The following SMCHD1 variants were observed in gnomAD, a reference collection of about 807,000 sequenced individuals.
The protein encoded by SMCHD1 is structural maintenance of chromosomes flexible hinge domain containing 1.
A neutral mutation model predicts 254.7 loss-of-function variants in SMCHD1; 78 were observed. The ratio of observed to expected loss-of-function variants is 0.31; its 90% CI spans 0.26 to 0.37. SMCHD1 has a LOEUF of 0.37. Ranked by LOEUF, SMCHD1 falls within the 10% of genes least tolerant of loss-of-function variation. The pLI, the probability that SMCHD1 is intolerant of heterozygous loss-of-function variation, is 1.00. For missense variants in SMCHD1, 1,840 were observed against 2,408.1 expected (o/e 0.76, Z 4.94); for synonymous variants, 766 against 794.9 (o/e 0.96, Z 0.61).
At position 2,678,253 on chromosome 18, in the gene SMCHD1, TTCTC is replaced by T. The variant is rs775833042; in HGVS notation, c.638+4125_638+4128del. 4.3e-3 allele frequency among the ~76,000 whole-genome samples: 487 copies of T among 114,204 alleles called. 1 individual carries two copies. The highest frequency in any genetic ancestry group is 0.015 in the African/African-American group (455 of 30,850). The allele number at this position is 114,204 out of a possible 152,430, so 74.9% of individuals were successfully genotyped here. On this transcript the variant is annotated intron_variant, in intron 5 of 47. Coordinates refer to ENST00000320876, the MANE Select transcript of SMCHD1 (RefSeq NM_015295.3). ...TTTCTTTCTTTCTTTCGTTCTTTCT[TTCTC>T]TCTCTCTCTCTCTCTCCCTCTCTCT... is the stretch of plus-strand genomic sequence containing the variant.
chr18:2,673,120 G>T, intron 3 of SMCHD1, 161 bp from the exon 4 acceptor site: 1 of 985,278 alleles, frequency 1.0e-6, no homozygotes, highest in Non-Finnish European at 1.2e-6. Context: ...GGTGGTGATT[G>T]GTGATGATGC....
chr18:2,685,245 G>A (rs564553572), intron 5 of SMCHD1, among the ~76,000 whole-genome samples: 109 of 151,550 alleles, frequency 7.2e-4, no homozygotes, highest in Non-Finnish European at 1.1e-3. Context: ...GACTACAGGC[G>A]CCCGCCACCA....
chr18:2,767,326 A>G (rs1272033985), intron 37 of SMCHD1, among the ~76,000 whole-genome samples: 1 of 152,084 alleles, frequency 6.6e-6, no homozygotes, highest in Admixed American at 6.5e-5. Flanking sequence ...AACAGTGACA[A>G]TGTGTTGATA....
chr18:2,784,800 T>C (rs1281970051), intron 45 of SMCHD1, 179 bp downstream of exon 45: 7 of 687,516 alleles, frequency 1.0e-5, no homozygotes, highest in African/African-American at 3.5e-5. Context: ...TTTAGAGTTA[T>C]GTAAATAGTA....
intron 42 of SMCHD1, among the ~76,000 whole-genome samples, chr18:2,777,215 A>G (rs1394105422): frequency 1.3e-5 from 2 of 152,208 alleles, no homozygotes; most frequent in Non-Finnish European, 2.9e-5. Flanking sequence ...TCTAGAAACG[A>G]GTTATCCTCT....
At position 2,656,149 on chromosome 18, in the gene SMCHD1, A is replaced by G; in HGVS notation, c.74A>G (p.His25Arg). ...GTEEDGGGVG[H>R]RTVYLFDRRE... ...GAGGAGGATGGCGGAGGCGTCGGCCACAGGACGGTGTACTTGTTTGATCGG... is the reference window on the plus strand; with the variant it reads ...GAGGAGGATGGCGGAGGCGTCGGCCGCAGGACGGTGTACTTGTTTGATCGG... The change falls in exon 1 of 48, where the codon CAC becomes CGC. Residue 25 changes from histidine to arginine, a missense_variant. Coordinates refer to ENST00000320876, the MANE Select transcript of SMCHD1 (RefSeq NM_015295.3). 2.0e-6 allele frequency: 3 copies of G among 1,510,010 alleles called. No individual in the cohort carries two copies. The highest frequency in any genetic ancestry group is 2.6e-6 in the Non-Finnish European group (3 of 1,132,388). The allele number at this position is 1,510,010 out of a possible 1,614,324, so 93.5% of individuals were successfully genotyped here.
chr18:2,707,205 G>A (rs550836951), intron 15 of SMCHD1, among the ~76,000 whole-genome samples: 86 of 152,148 alleles, frequency 5.7e-4, no homozygotes, highest in African/African-American at 2.0e-3. Flanking sequence ...TTTTCTTCTT[G>A]TATAGCTAAT....
At chr18:2,795,554 T>C (rs1384043594) in intron 45 of SMCHD1, among the ~76,000 whole-genome samples, 2 of 152,174 alleles carry the variant, frequency 1.3e-5, no homozygotes, top group Admixed American at 6.5e-5. Flanking sequence ...ATTTGGGAAA[T>C]AGTGATTTCT....
At position 2,796,019 on chromosome 18, in the gene SMCHD1, A is replaced by G; in HGVS notation, c.5790A>G (p.Leu1930=). The G allele has an allele frequency of 6.3e-7, 1 of 1,596,460 alleles. No individual in the cohort carries two copies. Among genetic ancestry groups the G allele is most frequent in the Non-Finnish European group, 8.5e-7 (1 of 1,171,042 alleles). Reference sequence around the variant, plus strand: ...TGAATAAGGATCTTAACAGTCAATTAGAGTACCTTCGCACTCCGGATATGA... The same window carrying G: ...TGAATAAGGATCTTAACAGTCAATTGGAGTACCTTCGCACTCCGGATATGA... ...DSVNKDLNSQ[L]EYLRTPDMRK... Residue 1930 remains leucine (L), a synonymous_variant, in exon 46 of 48, where the codon TTA becomes TTG. Coordinates refer to ENST00000320876, the MANE Select transcript of SMCHD1 (RefSeq NM_015295.3).
At chr18:2,771,664 TC>T in intron 40 of SMCHD1, 46 bp downstream of exon 40, 4 of 1,371,334 alleles carry the variant, frequency 2.9e-6, no homozygotes, top group Non-Finnish European at 3.9e-6. Context: ...TAAAGTCTAT[TC>T]TACAATTTTC....
intron 1 of SMCHD1, among the ~76,000 whole-genome samples, chr18:2,660,971 A>G (rs1018176887): frequency 1.1e-4 from 17 of 152,330 alleles, no homozygotes; most frequent in African/African-American, 3.6e-4. Context: ...AATGTGGCAC[A>G]TATACACCAT....
intron 23 of SMCHD1, 114 bp from the exon 24 acceptor site, chr18:2,729,160 TC>T: frequency 1.3e-6 from 1 of 794,890 alleles, no homozygotes; most frequent in Admixed American, 3.8e-5. Context: ...CTTAGAATTT[TC>T]TTATTCATTG....
At chr18:2,738,345 A>G in intron 25 of SMCHD1, 52 bp from the exon 26 acceptor site, 1 of 1,434,916 alleles carries the variant, frequency 7.0e-7, no homozygotes, top group Non-Finnish European at 9.3e-7. Context: ...AGTGGCAGTA[A>G]GAGAACATTA....
rs76368227 is a variant in SMCHD1 at position 2,792,637 on chromosome 18, T to A, written c.5720-3312T>A. ...ATCAAAAGTATTAACATTTTTATTA[T>A]GTTCATATTCTTCAAAATATTATAT... On this transcript the variant is annotated intron_variant, in intron 45 of 47. Transcript: ENST00000320876. 3.7e-4 allele frequency among the ~76,000 whole-genome samples: 56 copies of A among 152,374 alleles called. 1 individual carries two copies. In the East Asian group the frequency reaches 9.1e-3, roughly 25 times the overall value.
chr18:2,792,604 A>G (rs755262702), intron 45 of SMCHD1, among the ~76,000 whole-genome samples: 3 of 152,354 alleles, frequency 2.0e-5, no homozygotes, highest in Admixed American at 6.5e-5. Flanking sequence ...GTTTGTAATC[A>G]TGACATCATC....
chr18:2,656,097 G>A lies in SMCHD1; in HGVS notation c.22G>A (p.Gly8Arg), dbSNP rs2073046020. Residue 8 changes from glycine to arginine, a missense_variant, in exon 1 of 48, where the codon GGG (glycine) becomes AGG (arginine). Physicochemically the swap from Gly to Arg is moderately radical, Grantham distance 125. Transcript: ENST00000320876. MAAADGG[G>R]PGGASVGTEE... ...CAATATGGCAGCGGCGGACGGCGGCGGGCCTGGTGGGGCCTCTGTGGGGAC... is the reference window on the plus strand; with the variant it reads ...CAATATGGCAGCGGCGGACGGCGGCAGGCCTGGTGGGGCCTCTGTGGGGAC... 1 of 1,407,142 alleles carries A rather than the reference G, an allele frequency of 7.1e-7. No individual in the cohort carries two copies. Among genetic ancestry groups the A allele is most frequent in the Admixed American group, 3.3e-5 (1 of 30,658 alleles). The allele number at this position is 1,407,142 out of a possible 1,614,324, so 87.2% of individuals were successfully genotyped here. A position where few individuals can be genotyped will look rare whatever the true frequency, so the allele number is the denominator to read the frequency against.
chr18:2,699,730 G>A (rs1056211647), intron 10 of SMCHD1, among the ~76,000 whole-genome samples: 2 of 152,216 alleles, frequency 1.3e-5, no homozygotes, highest in Admixed American at 6.5e-5. Context: ...TTAAAAAGAA[G>A]AGCAAGTAAG....
At chr18:2,738,688 T>G (rs1784378213) in intron 26 of SMCHD1, 143 bp downstream of exon 26, 3 of 778,254 alleles carry the variant, frequency 3.9e-6, no homozygotes, top group Non-Finnish European at 5.5e-6. Context: ...GTGTCATTGG[T>G]GATAGCGATT....
chr18:2,791,843 A>G (rs548026455), intron 45 of SMCHD1, among the ~76,000 whole-genome samples: 2 of 152,326 alleles, frequency 1.3e-5, no homozygotes, highest in Admixed American at 1.3e-4. Flanking sequence ...AGAGTGAGCG[A>G]GCTCTAGAAA....
Sources: allele counts gnomAD v4.1 joint callset (sites outside exome capture counted in the v4.1 genomes callset), GRCh38; gene constraint gnomAD v4.1.1; transcripts MANE v1.5; gene names NCBI Gene and HGNC (gene_info 2026-07-23, HGNC 2026-07-21).